COPS7B: variants seen among roughly 807,000 people sequenced by gnomAD.
COPS7B encodes the protein COP9 signalosome complex subunit 7b.
Under a neutral mutation model 33.4 loss-of-function variants are expected in COPS7B, and 9 were observed. The ratio of observed to expected loss-of-function variants is 0.27; its 90% CI spans 0.16 to 0.47. The LOEUF (loss-of-function observed/expected upper bound fraction) is 0.47, where lower values mean the gene tolerates loss of function less well. Among genes scored for constraint, COPS7B ranks in the 20% least tolerant of loss-of-function variants. COPS7B has a pLI of 0.99. For missense variants in COPS7B, 242 were observed against 318.2 expected, an observed-to-expected ratio of 0.76 and a Z score of 1.82; for synonymous variants, 119 against 126.3, an observed-to-expected ratio of 0.94 and a Z score of 0.39.
rs2049247104 is a variant in COPS7B at position 231,786,506 on chromosome 2, G to A, written c.-49G>A. Reference sequence around the variant, plus strand: ...GGGCAGGCGCCGGGAGGCCGAGCCAGCGACTAAGAGGACCGAGAGGTGGCG... The same window carrying A: ...GGGCAGGCGCCGGGAGGCCGAGCCAACGACTAAGAGGACCGAGAGGTGGCG... On this transcript the variant is annotated 5_prime_UTR_variant, in exon 1 of 7. Transcript: ENST00000350033. 1 of 985,846 alleles carries A rather than the reference G, an allele frequency of 1.0e-6. No homozygotes were observed. Among genetic ancestry groups the A allele is most frequent in the Non-Finnish European group, 1.2e-6 (1 of 830,068 alleles). The allele number at this position is 985,846 out of a possible 1,614,324, so 61.1% of individuals were successfully genotyped here.
At chr2:231,800,470 A>G (rs1422069671) in intron 6 of COPS7B, among the ~76,000 whole-genome samples, 1 of 152,248 alleles carries the variant, frequency 6.6e-6, no homozygotes, top group African/African-American at 2.4e-5. Flanking sequence ...GAGGCTAACC[A>G]CACTACCTAA....
At chr2:231,805,052 A>G (rs2049851734) in intron 6 of COPS7B, among the ~76,000 whole-genome samples, 1 of 152,190 alleles carries the variant, frequency 6.6e-6, no homozygotes. Flanking sequence ...AATATGCCTT[A>G]GCTGGGCATG....
chr2:231,781,914 G>A, upstream of COPS7B: 1 of 1,543,602 alleles, frequency 6.5e-7, no homozygotes, highest in South Asian at 1.2e-5. Flanking sequence ...CAAAAACACT[G>A]ATTAAACCGT....
At chr2:231,782,777 T>C (rs1245158136), upstream of COPS7B, among the ~76,000 whole-genome samples, 4 of 152,220 alleles carry the variant, frequency 2.6e-5, no homozygotes, top group Admixed American at 2.6e-4. Context: ...GGCAAAACTT[T>C]AATGGACAAG....
At chr2:231,789,467 C>A in intron 2 of COPS7B, 1 of 153,088 alleles carries the variant, frequency 6.5e-6, no homozygotes, top group South Asian at 2.0e-4. Context: ...GGCTGGTGCT[C>A]AGGAGCTTTT....
chr2:231,794,759 G>T (rs11690645), intron 4 of COPS7B, among the ~76,000 whole-genome samples: 2,030 of 151,820 alleles, frequency 0.013, 31 homozygotes, highest in Non-Finnish European at 0.018. Context: ...TAGATTTTTT[G>T]TTGTTGTTGT....
At position 231,807,388 on chromosome 2, in the gene COPS7B, A is replaced by G. The variant is rs187402170; in HGVS notation, c.637-99A>G. 23 of 1,159,482 alleles carry G rather than the reference A, an allele frequency of 2.0e-5. No homozygotes were observed. The Admixed American group carries it at 5.1e-4, about 26-fold the overall frequency. 71.8% of individuals were successfully genotyped at this position (1,159,482 alleles called of 1,614,324 possible). On this transcript the variant is annotated intron_variant, in intron 6 of 6. Coordinates refer to ENST00000350033, the MANE Select transcript of COPS7B (RefSeq NM_022730.4). ...TGAAGAGAATTTCAGGTTTTCTTGC[A>G]GAGGATTTTAGCTTCCTGTCTGAAG...
chr2:231,798,453 CA>C (rs2049643201), intron 5 of COPS7B, among the ~76,000 whole-genome samples: 1 of 151,932 alleles, frequency 6.6e-6, no homozygotes, highest in South Asian at 2.1e-4. Context: ...GATGGGGTTT[CA>C]CTGTGTTGGC....
intron 6 of COPS7B, 101 bp downstream of exon 6, chr2:231,799,065 C>A: frequency 9.7e-7 from 1 of 1,033,866 alleles, no homozygotes; most frequent in Non-Finnish European, 1.5e-6. Flanking sequence ...GTAGATGAAA[C>A]AAGCAGTCAC....
chr2:231,785,159 C>T (rs1431712520), upstream of COPS7B, among the ~76,000 whole-genome samples: 2 of 152,198 alleles, frequency 1.3e-5, no homozygotes, highest in Non-Finnish European at 2.9e-5. Flanking sequence ...GGAGGTTTTC[C>T]CTGCCTCCAA....
intron 3 of COPS7B, chr2:231,792,295 CA>C (rs1348660833): frequency 1.6e-5 from 5 of 304,584 alleles, no homozygotes; most frequent in African/African-American, 8.9e-5. Context: ...AGTTTTACAC[CA>C]GCCTGGCCAA....
chr2:231,783,048 T>C (rs2049166514), upstream of COPS7B, among the ~76,000 whole-genome samples: 1 of 152,354 alleles, frequency 6.6e-6, no homozygotes, highest in Admixed American at 6.5e-5. Context: ...TTAAATATAA[T>C]AATACAGTAT....
At chr2:231,786,582 A>G in intron 1 of COPS7B, 44 bp downstream of exon 1, 1 of 916,128 alleles carries the variant, frequency 1.1e-6, no homozygotes. Flanking sequence ...CCGGCGCTCC[A>G]GGCTCGGCCA....
chr2:231,784,489 A>G (rs560502936), upstream of COPS7B, among the ~76,000 whole-genome samples: 38 of 150,600 alleles, frequency 2.5e-4, no homozygotes, highest in African/African-American at 6.6e-4. Context: ...CTCTTAAGGG[A>G]AAAAAAAACC....
chr2:231,792,632 C>G (rs535006483), intron 3 of COPS7B, among the ~76,000 whole-genome samples: 1 of 152,140 alleles, frequency 6.6e-6, no homozygotes, highest in Non-Finnish European at 1.5e-5. Context: ...TGTTTCTTCC[C>G]ACTTACAAAC....
chr2:231,796,186 C>G lies in COPS7B; in HGVS notation c.408C>G (p.Val136=), dbSNP rs1485422406. 5.0e-6 allele frequency: 8 copies of G among 1,614,138 alleles called. No individual in the cohort carries two copies. The highest frequency in any genetic ancestry group is 6.8e-6 in the Non-Finnish European group (8 of 1,180,016). ...TAGAAGACCTTATCATTGAGGCTGT[C>G]TACACTGACATCATCCAGGGCAAGC... ...RELEDLIIEA[V]YTDIIQGKLD... is the part of the protein sequence containing the mutation. The change falls in exon 5 of 7, where the codon GTC becomes GTG. Residue 136 remains valine, a synonymous_variant. Transcript: ENST00000350033.
At chr2:231,807,214 TTA>T (rs2049919240) in intron 6 of COPS7B, among the ~76,000 whole-genome samples, 1 of 152,296 alleles carries the variant, frequency 6.6e-6, no homozygotes, top group South Asian at 2.1e-4. Flanking sequence ...TAATCACGAT[TTA>T]TTTCACTGTT....
intron 4 of COPS7B, 82 bp from the exon 5 acceptor site, chr2:231,796,024 T>C (rs1559363864): frequency 8.6e-7 from 1 of 1,169,208 alleles, no homozygotes; most frequent in Non-Finnish European, 1.3e-6. Context: ...TAGAGGCAGC[T>C]GTTGGCTATG....
chr2:231,796,922 TTC>T (rs1268011995), intron 5 of COPS7B, among the ~76,000 whole-genome samples: 9 of 152,354 alleles, frequency 5.9e-5, no homozygotes, highest in African/African-American at 1.7e-4. Flanking sequence ...CATTTGTGTT[TTC>T]TCTGTTTTAA....
Sources: allele counts gnomAD v4.1 joint callset (sites outside exome capture counted in the v4.1 genomes callset), GRCh38; gene constraint gnomAD v4.1.1; transcripts MANE v1.5; gene names NCBI Gene and HGNC (gene_info 2026-07-23, HGNC 2026-07-21).